SAMD8: variants seen among roughly 807,000 people sequenced by gnomAD.
The protein encoded by SAMD8 is sterile alpha motif domain containing 8, also known as sphingomyelin synthase-related protein 1.
Under a neutral mutation model 42.0 loss-of-function variants are expected in SAMD8, and 20 were observed. That is an observed-to-expected ratio of 0.48 (90% confidence interval 0.34 to 0.69). The LOEUF (loss-of-function observed/expected upper bound fraction) is 0.69. SAMD8 is among the 30% of genes least tolerant of loss of function. SAMD8 has a pLI of 0.01. For missense variants in SAMD8, 328 were observed against 511.6 expected (o/e 0.64, Z 3.46); for synonymous variants, 162 against 173.0 (o/e 0.94, Z 0.50).
chr10:75,173,720 CAA>C (rs1447706818), intron 4 of SAMD8, among the ~76,000 whole-genome samples: 1 of 152,182 alleles, frequency 6.6e-6, no homozygotes, highest in Non-Finnish European at 1.5e-5. Flanking sequence ...TTCTTTCCCT[CAA>C]ATGAGGCAGA....
At chr10:75,108,347 T>G, upstream of SAMD8, 1 of 1,427,162 alleles carries the variant, frequency 7.0e-7, no homozygotes, top group East Asian at 2.5e-5. Flanking sequence ...CCAAGTGGGG[T>G]CTGACTCCAC....
chr10:75,133,856 A>G (rs143707894), intron 1 of SAMD8, among the ~76,000 whole-genome samples: 1 of 152,314 alleles, frequency 6.6e-6, no homozygotes, highest in Non-Finnish European at 1.5e-5. Context: ...AGCAAGTACA[A>G]AATTACAGTT....
chr10:75,148,882 A>T (rs1840212938), intron 1 of SAMD8, among the ~76,000 whole-genome samples: 1 of 152,166 alleles, frequency 6.6e-6, no homozygotes, highest in South Asian at 2.1e-4. Context: ...TTAATCTAAC[A>T]TATATAGAGA....
At chr10:75,159,089 C>T (rs1466455442) in intron 2 of SAMD8, among the ~76,000 whole-genome samples, 5 of 129,202 alleles carry the variant, frequency 3.9e-5, no homozygotes, top group East Asian at 2.4e-4. Flanking sequence ...GACAGAGTCT[C>T]ACTCTGTTAC....
rs1041278529 is a variant in SAMD8, at chr10:75,163,501, T to C, written c.579-1144T>C. On this transcript the variant is annotated intron_variant, in intron 2 of 5. Transcript: ENST00000542569. ...CTAGGTTGGAGGCAGTGATGAAACC[T>C]CGGCTCACTGCAACCTCTGCCTCCC... is the stretch of plus-strand genomic sequence containing the variant. Among the ~76,000 whole-genome samples, 5 of 152,116 alleles carry C rather than the reference T, an allele frequency of 3.3e-5. No homozygotes were observed. In the East Asian group the frequency reaches 9.6e-4, roughly 29 times the overall value.
chr10:75,169,651 C>T (rs149901937), intron 4 of SAMD8, among the ~76,000 whole-genome samples: 12,959 of 149,666 alleles, frequency 0.087, 762 homozygotes, highest in African/African-American at 0.17. Context: ...CAGTGGCTCA[C>T]GCCTGTAATC....
At chr10:75,101,119 G>A (rs1374572566) in intron 1 of SAMD8, among the ~76,000 whole-genome samples, 1 of 152,192 alleles carries the variant, frequency 6.6e-6, no homozygotes. Context: ...GGTGGCGTGT[G>A]GCTGCCAGTG....
Position 75,150,901 on chromosome 10 carries a change from G to T in SAMD8, c.373G>T (p.Asp125Tyr). The T allele has an allele frequency of 6.2e-7, 1 of 1,612,360 alleles. No homozygotes were observed. Among genetic ancestry groups the T allele is most frequent in the African/African-American group, 1.3e-5 (1 of 74,962 alleles). ...LSHDCDGPITDLNSDQYQYMN... is the reference protein window; with the variant it reads ...LSHDCDGPITYLNSDQYQYMN... ...CCATGACTGTGACGGACCCATAACT[G>T]ACTTGAATTCTGATCAGTACCAGTA... The change falls in exon 2 of 6, where the codon GAC becomes TAC. Residue 125 changes from aspartate (D) to tyrosine (Y), a missense_variant. Physicochemically the swap from Asp to Tyr is radical, Grantham distance 160 (BLOSUM62 -3). Transcript: ENST00000542569.
At chr10:75,159,107 G>A (rs1840497257) in intron 2 of SAMD8, among the ~76,000 whole-genome samples, 1 of 138,446 alleles carries the variant, frequency 7.2e-6, no homozygotes, top group African/African-American at 2.9e-5. Context: ...TACCCAGGCT[G>A]GAGTATAGTG....
At chr10:75,143,922 TTG>T (rs1840075510) in intron 1 of SAMD8, among the ~76,000 whole-genome samples, 2 of 152,002 alleles carry the variant, frequency 1.3e-5, no homozygotes, top group Admixed American at 1.3e-4. Flanking sequence ...TTTGGTGTGT[TTG>T]TGTGTGTGGT....
intron 2 of SAMD8, among the ~76,000 whole-genome samples, chr10:75,158,231 A>C (rs1444275762): frequency 6.6e-6 from 1 of 152,092 alleles, no homozygotes; most frequent in Non-Finnish European, 1.5e-5. Flanking sequence ...ACAAGCAAAA[A>C]ATAAAAAAAC....
rs1275926060 is a variant in SAMD8, at chr10:75,115,805, G to A, written c.-16+4083G>A. Among the ~76,000 whole-genome samples the A allele has an allele frequency of 3.3e-5, 5 of 152,088 alleles. No homozygotes were observed. The East Asian group carries it at 9.7e-4, about 29-fold the overall frequency. ...AATACAAAAAAATTAGCCGGGCCTC[G>A]TGGCAGGCGCCTGTAGTCCCAGCTA... On this transcript the variant is annotated intron_variant, in intron 1 of 5. Coordinates refer to ENST00000542569, the MANE Select transcript of SAMD8 (RefSeq NM_001174156.2).
chr10:75,102,961 AC>A (rs1450387771), intron 1 of SAMD8, among the ~76,000 whole-genome samples: 2 of 152,008 alleles, frequency 1.3e-5, no homozygotes, highest in Admixed American at 6.6e-5. Context: ...TCCAAAAAAA[AC>A]ATTAGCTGGT....
At chr10:75,170,984 CTCCTGACCTCAGGTGA>C (rs1321833051) in intron 4 of SAMD8, among the ~76,000 whole-genome samples, 1 of 151,410 alleles carries the variant, frequency 6.6e-6, no homozygotes, top group African/African-American at 2.4e-5. Flanking sequence ...TGGTCTCGAA[CTCCTGACCTCAGGTGA>C]TCCACCCGCC....
intron 1 of SAMD8, among the ~76,000 whole-genome samples, chr10:75,118,040 A>C (rs1211413241): frequency 6.6e-6 from 1 of 152,214 alleles, no homozygotes; most frequent in Non-Finnish European, 1.5e-5. Flanking sequence ...GAACCAGAAA[A>C]AGATGTTATT....
chr10:75,155,038 T>C (rs1447565023), intron 2 of SAMD8, among the ~76,000 whole-genome samples: 1 of 152,098 alleles, frequency 6.6e-6, no homozygotes, highest in Non-Finnish European at 1.5e-5. Context: ...ACTGCAGGTG[T>C]GTGTCACCAC....
chr10:75,161,800 GC>G (rs1840564027), intron 2 of SAMD8, among the ~76,000 whole-genome samples: 1 of 151,840 alleles, frequency 6.6e-6, no homozygotes, highest in South Asian at 2.1e-4. Flanking sequence ...ACTTTGGGAG[GC>G]CGAGGTGGCC....
chr10:75,165,244 A>T (rs1840647020), intron 3 of SAMD8, among the ~76,000 whole-genome samples: 1 of 151,968 alleles, frequency 6.6e-6, no homozygotes. Flanking sequence ...GAGCTGAGAT[A>T]AGAAAGCCTT....
chr10:75,159,011 C>T (rs115375203), intron 2 of SAMD8, among the ~76,000 whole-genome samples: 261 of 150,874 alleles, frequency 1.7e-3, no homozygotes, highest in African/African-American at 6.0e-3. Flanking sequence ...AATAATGCTG[C>T]TATGAACATT....
Sources: allele counts gnomAD v4.1 joint callset (sites outside exome capture counted in the v4.1 genomes callset), GRCh38; gene constraint gnomAD v4.1.1; transcripts MANE v1.5; gene names NCBI Gene and HGNC (gene_info 2026-07-23, HGNC 2026-07-21).